RBFOX3: variants seen among roughly 807,000 people sequenced by gnomAD.
RBFOX3 encodes RNA binding protein fox-1 homolog 3.
In RBFOX3, 17 loss-of-function variants were observed where a neutral mutation model predicts 48.7. That is an observed-to-expected ratio of 0.35 (90% CI 0.24 to 0.52). RBFOX3 has a LOEUF of 0.52. Ranked by LOEUF, RBFOX3 falls within the 20% of genes least tolerant of loss-of-function variation. The pLI, the probability that RBFOX3 is intolerant of heterozygous loss-of-function variation, is 0.94. For missense variants in RBFOX3, 382 were observed against 497.5 expected, an observed-to-expected ratio of 0.77 and a Z score of 2.21; for synonymous variants, 212 against 209.5, an observed-to-expected ratio of 1.01 and a Z score of -0.10.
At position 79,103,914 on chromosome 17, in the gene RBFOX3, C is replaced by T. The variant is rs905347051; in HGVS notation, c.414+159G>A. Among the ~76,000 whole-genome samples the T allele has an allele frequency of 2.3e-3, 4 of 1,708 alleles. No individual in the cohort carries two copies. Among genetic ancestry groups the T allele is most frequent in the African/African-American group, 0.013 (3 of 224 alleles). 1.1% of individuals were successfully genotyped at this position (1,708 alleles called of 152,430 possible). A position where few individuals can be genotyped will look rare whatever the true frequency, so the allele number is the denominator to read the frequency against. ...ACAACACAGACAGCTGGGGTGGGGG[C>T]GGGGCGGGTGGGGGCGGAAGAGCGG... On this transcript the variant is annotated intron_variant, in intron 7 of 14. Coordinates refer to ENST00000693108, the MANE Select transcript of RBFOX3 (RefSeq NM_001350451.2). The surrounding 1 kb of genome is among the most constrained non-coding windows in gnomAD (Gnocchi z 6.1).
chr17:79,185,877 G>C (rs541697603), intron 4 of RBFOX3, among the ~76,000 whole-genome samples: 1 of 152,296 alleles, frequency 6.6e-6, no homozygotes, highest in African/African-American at 2.4e-5. Flanking sequence ...CAGAAATCAA[G>C]TTCTCTGCCC....
intron 4 of RBFOX3, chr17:79,134,952 GC>G (rs2039834556): frequency 2.0e-5 from 3 of 152,516 alleles, no homozygotes; most frequent in African/African-American, 7.2e-5. Context: ...TGAGGAGGGG[GC>G]AGAGACTTGG....
chr17:79,215,917 C>T (rs1009424433), intron 4 of RBFOX3, among the ~76,000 whole-genome samples: 53 of 152,382 alleles, frequency 3.5e-4, no homozygotes, highest in Admixed American at 3.3e-3. Flanking sequence ...GGCATTTGGA[C>T]GTCGTCCTGA....
intron 2 of RBFOX3, among the ~76,000 whole-genome samples, chr17:79,424,752 C>T (rs2067058769): frequency 6.6e-6 from 1 of 152,210 alleles, no homozygotes; most frequent in Non-Finnish European, 1.5e-5. Flanking sequence ...GCTGCCACCT[C>T]ATGTCCTTCC....
At chr17:79,490,193 ACTT>A (rs1423384711) in intron 1 of RBFOX3, among the ~76,000 whole-genome samples, 90 of 152,098 alleles carry the variant, frequency 5.9e-4, no homozygotes, top group African/African-American at 2.0e-3. Flanking sequence ...CTGTAGCTAT[ACTT>A]CTTCTTTTTT....
chr17:79,517,772 A>T (rs976269082), intron 1 of RBFOX3, among the ~76,000 whole-genome samples: 1 of 152,158 alleles, frequency 6.6e-6, no homozygotes, highest in Non-Finnish European at 1.5e-5. Flanking sequence ...GGTAACATCG[A>T]CGGAAACATC....
At chr17:79,091,986 T>C in intron 14 of RBFOX3, 1 of 985,472 alleles carries the variant, frequency 1.0e-6, no homozygotes. Context: ...TAGTTTCAGC[T>C]GAATGGGGCG....
intron 4 of RBFOX3, among the ~76,000 whole-genome samples, chr17:79,118,981 A>AG (rs2034923232): frequency 6.9e-6 from 1 of 144,858 alleles, no homozygotes. Flanking sequence ...GTCTCAAAAA[A>AG]AAAAAAAAAA....
At position 79,090,822 on chromosome 17, in the gene RBFOX3, T is replaced by C. The variant is rs2073732268; in HGVS notation, c.*61A>G. ...ATCTTTTTTTGTTTTTTTTGTTTTG[T>C]GATTTTTTTTGTTTTTTTGTTTTTG... On this transcript the variant is annotated 3_prime_UTR_variant, in exon 15 of 15. Transcript: ENST00000693108. 6.7e-7 allele frequency: 1 copy of C among 1,489,570 alleles called. No individual in the cohort carries two copies. The allele number at this position is 1,489,570 out of a possible 1,614,324, so 92.3% of individuals were successfully genotyped here. A position where few individuals can be genotyped will look rare whatever the true frequency, so the allele number is the denominator to read the frequency against.
At chr17:79,287,643 G>A (rs539885034) in intron 3 of RBFOX3, among the ~76,000 whole-genome samples, 1 of 152,314 alleles carries the variant, frequency 6.6e-6, no homozygotes, top group South Asian at 2.1e-4. Context: ...TCCCCACCCT[G>A]AGAATCGGGG....
rs1784439616 is a variant in RBFOX3, at chr17:79,418,925, C to T, written c.-175+63529G>A. 6.6e-6 allele frequency among the ~76,000 whole-genome samples: 1 copy of T among 152,128 alleles called. No homozygotes were observed. The highest frequency in any genetic ancestry group is 1.5e-5 in the Non-Finnish European group (1 of 68,028). ...AAATGTATCCTTATTTAATCTATAGCAATTATATTCACATTCTGCTAGACA... is the reference window on the plus strand; with the variant it reads ...AAATGTATCCTTATTTAATCTATAGTAATTATATTCACATTCTGCTAGACA... On this transcript the variant is annotated intron_variant, in intron 2 of 14. Coordinates refer to ENST00000693108, the MANE Select transcript of RBFOX3 (RefSeq NM_001350451.2). The surrounding 1 kb of genome is among the most constrained non-coding windows in gnomAD (Gnocchi z 5.0).
chr17:79,514,125 C>T (rs1001806371), intron 1 of RBFOX3, among the ~76,000 whole-genome samples: 17 of 152,144 alleles, frequency 1.1e-4, no homozygotes, highest in Admixed American at 5.9e-4. Flanking sequence ...TTGCCTATGA[C>T]AGCCTCCTAC....
chr17:79,352,402 A>G (rs2084127040), intron 2 of RBFOX3, among the ~76,000 whole-genome samples: 2 of 152,202 alleles, frequency 1.3e-5, no homozygotes, highest in African/African-American at 2.4e-5. Flanking sequence ...AGGCCTCCCC[A>G]GCCATGCTTC....
At chr17:79,374,462 A>C (rs891153246) in intron 2 of RBFOX3, among the ~76,000 whole-genome samples, 13 of 152,252 alleles carry the variant, frequency 8.5e-5, no homozygotes, top group African/African-American at 2.9e-4. Context: ...GAGAATTAAG[A>C]AAACCCATTA....
chr17:79,524,818 T>A (rs986724379), intron 1 of RBFOX3, among the ~76,000 whole-genome samples: 18,261 of 152,154 alleles, frequency 0.12, 3,337 homozygotes, highest in African/African-American at 0.4. Flanking sequence ...TCAAGCCGAA[T>A]GAATATGCCT....
chr17:79,216,639 A>G (rs1248408068), intron 4 of RBFOX3, among the ~76,000 whole-genome samples: 1 of 152,190 alleles, frequency 6.6e-6, no homozygotes, highest in Non-Finnish European at 1.5e-5. Flanking sequence ...GGCAGTGAGC[A>G]GAACCCAGGT....
At chr17:79,601,934 G>A (rs1482387434) in intron 1 of RBFOX3, 4 of 152,180 alleles carry the variant, frequency 2.6e-5, no homozygotes, top group Non-Finnish European at 4.4e-5. Context: ...CAATGCTGCC[G>A]ACGCACACAC....
intron 1 of RBFOX3, among the ~76,000 whole-genome samples, chr17:79,585,549 C>T (rs1424721991): frequency 6.6e-6 from 1 of 151,996 alleles, no homozygotes; most frequent in Non-Finnish European, 1.5e-5. Flanking sequence ...AACAGCGAGA[C>T]TCCTTCTCAA....
intron 4 of RBFOX3, among the ~76,000 whole-genome samples, chr17:79,218,382 G>C (rs945811990): frequency 6.6e-6 from 1 of 152,124 alleles, no homozygotes. Context: ...TGGAGCCGGG[G>C]ATCTGGCTCC....
Sources: allele counts gnomAD v4.1 joint callset (sites outside exome capture counted in the v4.1 genomes callset), GRCh38; gene constraint gnomAD v4.1.1; non-coding constraint Gnocchi (gnomAD v3.1); transcripts MANE v1.5; gene names NCBI Gene and HGNC (gene_info 2026-07-23, HGNC 2026-07-21).